The following EPHA6 variants were observed in gnomAD, a reference collection of about 807,000 sequenced individuals.
EPHA6 encodes ephrin type-A receptor 6.
Under a neutral mutation model 112.0 loss-of-function variants are expected in EPHA6, and 50 were observed. That is an observed-to-expected ratio of 0.45 (90% CI 0.36 to 0.56). The LOEUF is 0.56. Ranked by LOEUF, EPHA6 falls within the 20% of genes least tolerant of loss-of-function variation. The probability of loss-of-function intolerance (pLI) is 0.00; values close to 1 mark genes in which losing one functional copy is unlikely to be tolerated. For synonymous variants in EPHA6, 529 were observed against 490.7 expected (o/e 1.08, Z -1.03); for missense variants, 1,280 against 1,417.4 (o/e 0.90, Z 1.56).
At chr3:97,145,792 C>T (rs932531786) in intron 3 of EPHA6, among the ~76,000 whole-genome samples, 7 of 151,274 alleles carry the variant, frequency 4.6e-5, no homozygotes, top group Non-Finnish European at 1.0e-4. Flanking sequence ...TGTATTTTTA[C>T]AAAGTGTTTT....
intron 1 of EPHA6, among the ~76,000 whole-genome samples, chr3:96,838,630 A>G (rs2034558782): frequency 6.6e-6 from 1 of 152,110 alleles, no homozygotes; most frequent in South Asian, 2.1e-4. Flanking sequence ...ATATTTTAAT[A>G]TATCAATTAA....
intron 10 of EPHA6, among the ~76,000 whole-genome samples, chr3:97,502,125 A>G (rs983026526): frequency 4.7e-5 from 7 of 147,924 alleles, no homozygotes; most frequent in Non-Finnish European, 9.0e-5. Context: ...GATAACATTG[A>G]GGCTGTTTTG....
intron 2 of EPHA6, among the ~76,000 whole-genome samples, chr3:96,867,190 G>A (rs1389018652): frequency 6.6e-6 from 1 of 151,696 alleles, no homozygotes; most frequent in Non-Finnish European, 1.5e-5. Context: ...GTTTATATAT[G>A]TTACATTTAT....
At chr3:97,511,832 G>T (rs1039159981) in intron 10 of EPHA6, among the ~76,000 whole-genome samples, 4 of 151,940 alleles carry the variant, frequency 2.6e-5, no homozygotes, top group African/African-American at 9.7e-5. Flanking sequence ...TAACAAAAAT[G>T]CCCAGCACAT....
At chr3:97,213,120 C>G (rs1266258227) in intron 3 of EPHA6, among the ~76,000 whole-genome samples, 1 of 152,124 alleles carries the variant, frequency 6.6e-6, no homozygotes, top group South Asian at 2.1e-4. Context: ...TTATGGATTG[C>G]TTTTCTAAGC....
Position 97,633,514 on chromosome 3 carries a change from G to T in EPHA6, c.2575-4359G>T, listed in dbSNP as rs1420330247. Among the ~76,000 whole-genome samples, 3 of 151,918 alleles carry T rather than the reference G, an allele frequency of 2.0e-5. No homozygotes were observed. In the South Asian group the frequency reaches 6.2e-4, roughly 32 times the overall value. ...TTTCTTCTCCCCTCATAAACAATTC[G>T]ATTCAATTTGAATTAATATTTATCG... On this transcript the variant is annotated intron_variant, in intron 13 of 17. Transcript: ENST00000389672.
At chr3:97,022,688 T>C (rs1487643072) in intron 3 of EPHA6, among the ~76,000 whole-genome samples, 1 of 152,184 alleles carries the variant, frequency 6.6e-6, no homozygotes, top group African/African-American at 2.4e-5. Flanking sequence ...CTCTGCATGG[T>C]TGGGCTCCTA....
intron 12 of EPHA6, among the ~76,000 whole-genome samples, chr3:97,598,983 T>C (rs1412536888): frequency 6.7e-6 from 1 of 149,944 alleles, no homozygotes; most frequent in African/African-American, 2.5e-5. Context: ...TGGTATCTCA[T>C]TGTGGTTTTG....
chr3:96,926,859 A>G (rs559965284), intron 2 of EPHA6, among the ~76,000 whole-genome samples: 2 of 152,272 alleles, frequency 1.3e-5, no homozygotes, highest in African/African-American at 4.8e-5. Context: ...GCAAACTGTC[A>G]GTGGATCTAC....
chr3:97,532,557 T>C lies in EPHA6; in HGVS notation c.2386+14T>C. ...TTGTCACCAAAAGTAAGTTACTGAG[T>C]TTCTTCATTACTTCTTTCACACACC... On this transcript the variant is annotated intron_variant, in intron 11 of 17. Coordinates refer to ENST00000389672, the MANE Select transcript of EPHA6 (RefSeq NM_001080448.3). 6.3e-7 allele frequency: 1 copy of C among 1,580,758 alleles called. No individual in the cohort carries two copies. The highest frequency in any genetic ancestry group is 2.3e-5 in the East Asian group (1 of 44,318).
At chr3:97,687,971 T>C (rs561673547) in intron 14 of EPHA6, among the ~76,000 whole-genome samples, 2 of 152,308 alleles carry the variant, frequency 1.3e-5, no homozygotes, top group South Asian at 4.1e-4. Flanking sequence ...AAGTGACACA[T>C]GTTGCTTCCC....
rs181940237 is a variant in EPHA6 at position 97,502,558 on chromosome 3, G to T, written c.2200+18499G>T. 6.5e-3 allele frequency among the ~76,000 whole-genome samples: 995 copies of T among 151,912 alleles called. 19 individuals are homozygous for T. Among genetic ancestry groups the T allele is most frequent in the African/African-American group, 0.022 (914 of 41,370 alleles). On this transcript the variant is annotated intron_variant, in intron 10 of 17. Coordinates refer to ENST00000389672, the MANE Select transcript of EPHA6 (RefSeq NM_001080448.3). ...ATTAATCAAAAGTCAATATGGGCTG[G>T]GTGTGGTGGCTCACGCCTGTAATCC... is the stretch of plus-strand genomic sequence containing the variant.
intron 5 of EPHA6, among the ~76,000 whole-genome samples, chr3:97,314,425 A>G (rs1359430747): frequency 1.3e-5 from 2 of 151,612 alleles, no homozygotes; most frequent in African/African-American, 4.8e-5. Context: ...GGGGAATGTT[A>G]GAATTCAGTA....
At chr3:97,518,427 C>T (rs1288022501) in intron 10 of EPHA6, among the ~76,000 whole-genome samples, 2 of 151,196 alleles carry the variant, frequency 1.3e-5, no homozygotes, top group African/African-American at 4.9e-5. Context: ...ATAAACATGG[C>T]GGTTCAGGTA....
rs1024511891 is a variant in EPHA6 at position 96,835,387 on chromosome 3, G to A, written c.385+20379G>A. Among the ~76,000 whole-genome samples, 14 of 151,986 alleles carry A rather than the reference G, an allele frequency of 9.2e-5. 1 individual carries two copies. The highest frequency in any genetic ancestry group is 1.6e-4 in the Non-Finnish European group (11 of 67,956). On this transcript the variant is annotated intron_variant, in intron 1 of 17. Transcript: ENST00000389672. ...TTTCAAGAAAGACTTTGTATAGGAC[G>A]TGAAGCTTGAGATACAGGTTGAAAC... is the stretch of plus-strand genomic sequence containing the variant.
chr3:96,960,971 T>C (rs2041930130), intron 2 of EPHA6, among the ~76,000 whole-genome samples: 1 of 152,212 alleles, frequency 6.6e-6, no homozygotes, highest in Non-Finnish European at 1.5e-5. Flanking sequence ...TGCCAGTTCA[T>C]ATTAGCCAGG....
At chr3:97,264,578 T>C (rs2079609272) in intron 5 of EPHA6, among the ~76,000 whole-genome samples, 1 of 152,206 alleles carries the variant, frequency 6.6e-6, no homozygotes, top group Admixed American at 6.5e-5. Context: ...AGCTCTTCTT[T>C]CCTTCTCTTA....
At chr3:96,826,392 T>C (rs2033660179) in intron 1 of EPHA6, among the ~76,000 whole-genome samples, 1 of 152,050 alleles carries the variant, frequency 6.6e-6, no homozygotes, top group Admixed American at 6.6e-5. Context: ...GAAATTCCAC[T>C]CTAGATATGG....
chr3:97,493,596 A>C (rs2091904357), intron 10 of EPHA6, among the ~76,000 whole-genome samples: 1 of 144,800 alleles, frequency 6.9e-6, no homozygotes, highest in African/African-American at 2.8e-5. Context: ...TCAATGTATA[A>C]ATTTTGGGGG....
Sources: gnomAD v4.1 joint callset for allele counts (sites outside exome capture counted in the v4.1 genomes callset) on GRCh38, gnomAD v4.1.1 for gene constraint, MANE v1.5 for transcripts, NCBI Gene and HGNC (gene_info 2026-07-23, HGNC 2026-07-21) for gene names.